The following PDE4D variants were observed in gnomAD, a reference collection of about 807,000 sequenced individuals.
The protein encoded by PDE4D is phosphodiesterase 4D.
A neutral mutation model predicts 87.4 loss-of-function variants in PDE4D; 24 were observed. That is an observed-to-expected ratio of 0.27 (90% CI 0.20 to 0.39). The LOEUF is 0.39. Among genes scored for constraint, PDE4D ranks in the 10% least tolerant of loss-of-function variants. The pLI, the probability that PDE4D is intolerant of heterozygous loss-of-function variation, is 1.00. For missense variants in PDE4D, 714 were observed against 1,041.0 expected, an observed-to-expected ratio of 0.69 and a Z score of 4.32; for synonymous variants, 384 against 383.2, an observed-to-expected ratio of 1.00 and a Z score of -0.02.
At chr5:59,395,150 G>T (rs574466606) in intron 1 of PDE4D, among the ~76,000 whole-genome samples, 4 of 151,718 alleles carry the variant, frequency 2.6e-5, no homozygotes, top group South Asian at 2.1e-4. Context: ...GGCGAGGCTG[G>T]GGGAGGGGCG....
intron 1 of PDE4D, among the ~76,000 whole-genome samples, chr5:60,323,333 C>T (rs1437983571): frequency 1.3e-5 from 2 of 152,178 alleles, no homozygotes; most frequent in Non-Finnish European, 2.9e-5. Context: ...GATCTGCTTC[C>T]AATGTCCCTA....
At chr5:60,222,878 T>A (rs1744655490) in intron 1 of PDE4D, among the ~76,000 whole-genome samples, 1 of 152,134 alleles carries the variant, frequency 6.6e-6, no homozygotes, top group Admixed American at 6.6e-5. Flanking sequence ...ATGAACAGGT[T>A]TTTGCTGTCA....
chr5:59,597,799 G>T (rs778778724), intron 1 of PDE4D, among the ~76,000 whole-genome samples: 2 of 151,992 alleles, frequency 1.3e-5, no homozygotes, highest in Admixed American at 6.6e-5. Flanking sequence ...TAAATTCAAG[G>T]CTAGTTATTA....
intron 5 of PDE4D, among the ~76,000 whole-genome samples, chr5:59,107,784 A>G (rs1014040799): frequency 2.0e-5 from 3 of 152,220 alleles, no homozygotes; most frequent in African/African-American, 7.2e-5. Flanking sequence ...AACCAACAGA[A>G]CACAAAAAAT....
chr5:59,770,219 ATGTG>A (rs1317658546), intron 1 of PDE4D, among the ~76,000 whole-genome samples: 1 of 152,120 alleles, frequency 6.6e-6, no homozygotes, highest in East Asian at 1.9e-4. Context: ...ATGTGTGTGC[ATGTG>A]TGTGTGTATT....
intron 5 of PDE4D, among the ~76,000 whole-genome samples, chr5:59,174,122 G>A (rs1370474406): frequency 6.6e-6 from 1 of 152,256 alleles, no homozygotes; most frequent in East Asian, 1.9e-4. Context: ...TATCATTATT[G>A]TTTTTCCCCC....
chr5:60,061,488 T>C (rs1771398406), intron 2 of PDE4D, among the ~76,000 whole-genome samples: 1 of 152,106 alleles, frequency 6.6e-6, no homozygotes, highest in South Asian at 2.1e-4. Flanking sequence ...ATCAATATCA[T>C]GAAAATGGCC....
At chr5:59,014,498 C>T (rs962502307) in intron 6 of PDE4D, among the ~76,000 whole-genome samples, 3 of 152,124 alleles carry the variant, frequency 2.0e-5, no homozygotes, top group African/African-American at 7.2e-5. Context: ...TCCTATACAC[C>T]AATAACAGAC....
chr5:59,753,308 T>C (rs960424479), intron 1 of PDE4D, among the ~76,000 whole-genome samples: 1 of 152,024 alleles, frequency 6.6e-6, no homozygotes, highest in Admixed American at 6.6e-5. Context: ...CAAGAGATAA[T>C]AGGTGAAATA....
intron 1 of PDE4D, among the ~76,000 whole-genome samples, chr5:60,215,388 AT>A (rs1743747492): frequency 1.3e-5 from 2 of 152,122 alleles, no homozygotes; most frequent in South Asian, 2.1e-4. Flanking sequence ...ACTTATGAGG[AT>A]TTTTTTCCCT....
At chr5:59,868,415 T>G (rs1747357640) in intron 1 of PDE4D, among the ~76,000 whole-genome samples, 1 of 152,174 alleles carries the variant, frequency 6.6e-6, no homozygotes, top group African/African-American at 2.4e-5. Flanking sequence ...TCACATTGTA[T>G]AGCTTCTGGA....
intron 2 of PDE4D, among the ~76,000 whole-genome samples, chr5:60,016,014 T>C (rs1258986248): frequency 7.0e-6 from 1 of 142,566 alleles, no homozygotes; most frequent in African/African-American, 2.7e-5. Flanking sequence ...ATCTCTGTTC[T>C]CTCTCTCTCT....
intron 1 of PDE4D, among the ~76,000 whole-genome samples, chr5:59,477,622 A>G (rs1394638901): frequency 6.6e-6 from 1 of 152,114 alleles, no homozygotes; most frequent in East Asian, 1.9e-4. Context: ...TACTTCAGCC[A>G]CTGTGAAAAG....
chr5:60,025,345 G>A (rs796332340), intron 2 of PDE4D, among the ~76,000 whole-genome samples: 8 of 152,128 alleles, frequency 5.3e-5, no homozygotes, highest in African/African-American at 1.9e-4. Context: ...TTATGCCCCC[G>A]ACTACTCCAG....
chr5:59,514,191 C>T (rs570134534), intron 1 of PDE4D, among the ~76,000 whole-genome samples: 22 of 151,518 alleles, frequency 1.5e-4, no homozygotes, highest in South Asian at 4.2e-4. Context: ...CTGCATGCTC[C>T]GCCTCCCGGG....
chr5:59,768,489 C>T, intron 1 of PDE4D: 1 of 1,598,274 alleles, frequency 6.3e-7, no homozygotes, highest in Non-Finnish European at 8.5e-7. Flanking sequence ...TTAAAGTGTC[C>T]GGGCTTGTCT....
chr5:59,193,400 G>T, intron 3 of PDE4D, 100 bp downstream of exon 3: 1 of 1,085,862 alleles, frequency 9.2e-7, no homozygotes, highest in Non-Finnish European at 1.4e-6. Flanking sequence ...TTGTACTTGT[G>T]CTTGATTTAA....
intron 2 of PDE4D, among the ~76,000 whole-genome samples, chr5:59,991,375 T>G (rs952096910): frequency 6.6e-6 from 1 of 152,280 alleles, no homozygotes; most frequent in Non-Finnish European, 1.5e-5. Flanking sequence ...AATTTTAGTA[T>G]GCACCACCTC....
At chr5:59,256,018 C>T (rs1050376667) in intron 1 of PDE4D, among the ~76,000 whole-genome samples, 2 of 151,998 alleles carry the variant, frequency 1.3e-5, no homozygotes, top group African/African-American at 4.8e-5. Context: ...CATTTTTGTA[C>T]ATATATTTTT....
Sources: allele counts gnomAD v4.1 joint callset (sites outside exome capture counted in the v4.1 genomes callset), GRCh38; gene constraint gnomAD v4.1.1; transcripts MANE v1.5; gene names NCBI Gene and HGNC (gene_info 2026-07-23, HGNC 2026-07-21).